KCNQ2: variants seen among roughly 807,000 people sequenced by gnomAD.
KCNQ2 encodes potassium voltage-gated channel subfamily Q member 2, also known as potassium voltage-gated channel subfamily KQT member 2.
A neutral mutation model predicts 84.8 loss-of-function variants in KCNQ2; 14 were observed. That is an observed-to-expected ratio of 0.17 (90% CI 0.11 to 0.26). The LOEUF (loss-of-function observed/expected upper bound fraction) is 0.26. Ranked by LOEUF, KCNQ2 falls within the 10% of genes least tolerant of loss-of-function variation. The pLI is 1.00. For missense variants in KCNQ2, 788 were observed against 1,254.0 expected, an observed-to-expected ratio of 0.63 and a Z score of 5.61; for synonymous variants, 599 against 554.1, an observed-to-expected ratio of 1.08 and a Z score of -1.14.
At chr20:63,432,696 ACCCTCTGGGAAGGCCC>A in intron 8 of KCNQ2, among the ~76,000 whole-genome samples, 1 of 123,242 alleles carries the variant, frequency 8.1e-6, no homozygotes, top group Admixed American at 7.9e-5. Context: ...GGAAGGCCCC[ACCCTCTGGGAAGGCCC>A]CACCCTCAGG....
At chr20:63,434,161 C>G (rs1051878781) in intron 7 of KCNQ2, 156 of 532,850 alleles carry the variant, frequency 2.9e-4, no homozygotes, top group Non-Finnish European at 4.5e-4. Context: ...TGACTCGGGG[C>G]CCTGAGCGAG....
intron 7 of KCNQ2, among the ~76,000 whole-genome samples, chr20:63,437,197 T>A (rs1204379776): frequency 1.3e-5 from 2 of 152,188 alleles, no homozygotes; most frequent in Non-Finnish European, 2.9e-5. Flanking sequence ...GGTGCGCCTG[T>A]GGAGAGGCCC....
In KCNQ2 at chr20:63,442,469, G is replaced by GT; in HGVS notation, c.752dup (p.Tyr251Ter). Residue 251 changes from tyrosine (Y) to a stop codon, truncating the protein, a stop_gained and frameshift_variant, in exon 5 of 17, where the codon TAC becomes TAAC. Transcript: ENST00000359125. LOFTEE classifies it high-confidence loss of function. ...LCLILASFLV[Y>*]LAEKGENDHF... ...GGTCGTTCTCCCCCTTCTCTGCCAAGTACACCAGGAACGAGGCCAGGATGA... is the reference window on the plus strand; with the variant it reads ...GGTCGTTCTCCCCCTTCTCTGCCAAGTTACACCAGGAACGAGGCCAGGATGA... 6.2e-7 allele frequency: 1 copy of GT among 1,613,734 alleles called. No individual in the cohort carries two copies. Among genetic ancestry groups the GT allele is most frequent in the South Asian group, 1.1e-5 (1 of 91,070 alleles).
chr20:63,467,153 C>A (rs6011845), intron 1 of KCNQ2, among the ~76,000 whole-genome samples: 120,220 of 152,130 alleles, frequency 0.79, 47,733 homozygotes, highest in East Asian at 0.98. Context: ...TCAAGTGGAC[C>A]TTCGGAGGGC....
At chr20:63,459,139 C>T (rs2081885179) in intron 1 of KCNQ2, 1 of 152,278 alleles carries the variant, frequency 6.6e-6, no homozygotes, top group African/African-American at 2.4e-5. Context: ...GTACCCTAAA[C>T]ACGAAGGAAC....
chr20:63,400,972 C>T lies in KCNQ2; in HGVS notation c.*5672G>A, dbSNP rs2079797545. 1 of 397,626 alleles carries T rather than the reference C, an allele frequency of 2.5e-6. No individual in the cohort carries two copies. Among genetic ancestry groups the T allele is most frequent in the Admixed American group, 4.4e-5 (1 of 22,708 alleles). The allele number at this position is 397,626 out of a possible 1,614,324, so 24.6% of individuals were successfully genotyped here. On this transcript the variant is annotated 3_prime_UTR_variant, in exon 17 of 17. Transcript: ENST00000359125. This position sits in a 1 kb window ranked among gnomAD's most constrained non-coding sequence, Gnocchi z 8.7. The stretch of plus-strand genomic sequence containing the variant: ...ATTAAGGCAACGACTTTGTAAAACC[C>T]AGGCGGAGTTGGCGTGTGGCGATGG...
chr20:63,444,931 G>T (rs1038484717), intron 3 of KCNQ2, 97 bp from the exon 4 acceptor site: 3 of 1,340,110 alleles, frequency 2.2e-6, no homozygotes, highest in African/African-American at 1.4e-5. Flanking sequence ...ATGTGCAGAG[G>T]GGCGGGAAGG....
At chr20:63,463,417 G>A (rs1437409876) in intron 1 of KCNQ2, among the ~76,000 whole-genome samples, 1 of 152,152 alleles carries the variant, frequency 6.6e-6, no homozygotes, top group East Asian at 1.9e-4. Flanking sequence ...AGGAAGCCCA[G>A]CCGGCCGAGT....
intron 11 of KCNQ2, chr20:63,423,921 C>A: frequency 1.9e-6 from 1 of 536,356 alleles, no homozygotes; most frequent in Non-Finnish European, 3.4e-6. Flanking sequence ...TCCCCCACCC[C>A]CGAGAAGCCG....
At chr20:63,415,456 G>C (rs1422240251) in intron 12 of KCNQ2, among the ~76,000 whole-genome samples, 13 of 111,460 alleles carry the variant, frequency 1.2e-4, no homozygotes, top group African/African-American at 2.9e-4. Flanking sequence ...AGGCCACGGG[G>C]ACCGAGCACC....
In KCNQ2 at chr20:63,417,562, CT is replaced by C. The variant is rs200369455; in HGVS notation, c.1301+2056del. On this transcript the variant is annotated intron_variant, in intron 12 of 16. Coordinates refer to ENST00000359125, the MANE Select transcript of KCNQ2 (RefSeq NM_172107.4). ...TCTGGGCAGAGCCCGGTGCTGAGGG[CT>C]TGCAGTGGGAAAGGCACAGCTTGAG... 5.6e-3 allele frequency among the ~76,000 whole-genome samples: 855 copies of C among 152,354 alleles called. 8 individuals are homozygous for C. Among genetic ancestry groups the C allele is most frequent in the African/African-American group, 0.019 (788 of 41,580 alleles).
chr20:63,417,621 GA>G (rs2080335657), intron 12 of KCNQ2, among the ~76,000 whole-genome samples: 1 of 152,252 alleles, frequency 6.6e-6, no homozygotes. Context: ...TGCGGCCCCG[GA>G]GGGGAACGGG....
Position 63,438,736 on chromosome 20 carries a change from G to A in KCNQ2, c.928-16C>T, listed in dbSNP as rs112907728. On this transcript the variant is annotated splice_polypyrimidine_tract_variant and intron_variant, in intron 6 of 16. Transcript: ENST00000359125. The surrounding 1 kb of genome is among the most constrained non-coding windows in gnomAD (Gnocchi z 5.1). ...CCAAGATGCCCTGCAATTCATCAGG[G>A]TCAGGTCACACCCCAGGGACCCCCC... is the stretch of plus-strand genomic sequence containing the variant. The A allele has an allele frequency of 9.9e-6, 16 of 1,611,106 alleles. 1 individual carries two copies. In the African/African-American group the frequency reaches 1.7e-4, roughly 17 times the overall value.
intron 1 of KCNQ2, 113 bp downstream of exon 1, chr20:63,472,055 G>A: frequency 1.4e-6 from 1 of 728,488 alleles, no homozygotes; most frequent in Non-Finnish European, 2.1e-6. Context: ...CCCGGACCCA[G>A]ACCCAGGGGC....
intron 12 of KCNQ2, among the ~76,000 whole-genome samples, chr20:63,415,991 C>T (rs867862768): frequency 3.3e-5 from 5 of 152,200 alleles, no homozygotes; most frequent in African/African-American, 1.2e-4. Context: ...CCACCCACCC[C>T]GGGGGCCTGC....
At chr20:63,432,403 G>T (rs1292540187) in intron 8 of KCNQ2, among the ~76,000 whole-genome samples, 2 of 147,554 alleles carry the variant, frequency 1.4e-5, no homozygotes, top group African/African-American at 5.1e-5. Context: ...CACAGGGAAG[G>T]CCCCACCCTC....
At chr20:63,472,011 T>C (rs1046575635) in intron 1 of KCNQ2, among the ~76,000 whole-genome samples, 157 bp downstream of exon 1, 14 of 151,524 alleles carry the variant, frequency 9.2e-5, no homozygotes, top group African/African-American at 3.2e-4. Context: ...CGCTCTCCGG[T>C]CTCGGCCCAG....
At chr20:63,420,803 C>T (rs2080445734) in intron 11 of KCNQ2, among the ~76,000 whole-genome samples, 1 of 151,030 alleles carries the variant, frequency 6.6e-6, no homozygotes, top group Non-Finnish European at 1.5e-5. Flanking sequence ...CGTGCCGGTC[C>T]GGCTTTTTAG....
intron 7 of KCNQ2, among the ~76,000 whole-genome samples, chr20:63,435,981 GTTTC>G (rs1441682566): frequency 1.5e-5 from 2 of 132,490 alleles, no homozygotes; most frequent in Non-Finnish European, 3.3e-5. Context: ...CATGTGTGTG[GTTTC>G]TTTTTTTTTT....
Sources: gnomAD v4.1 joint callset for allele counts (sites outside exome capture counted in the v4.1 genomes callset) on GRCh38, gnomAD v4.1.1 for gene constraint, Gnocchi (gnomAD v3.1) non-coding constraint, MANE v1.5 for transcripts, NCBI Gene and HGNC (gene_info 2026-07-23, HGNC 2026-07-21) for gene names.